The following NRXN3 variants were observed in gnomAD, a reference collection of about 807,000 sequenced individuals.
NRXN3 encodes neurexin 3.
Under a neutral mutation model 137.6 loss-of-function variants are expected in NRXN3, and 32 were observed. The observed-to-expected ratio is 0.23, with a 90% CI of 0.18 to 0.31. The LOEUF (loss-of-function observed/expected upper bound fraction) is 0.31. Ranked by LOEUF, NRXN3 falls within the 10% of genes least tolerant of loss-of-function variation. The probability of loss-of-function intolerance (pLI) is 1.00; values close to 1 mark genes in which losing one functional copy is unlikely to be tolerated. For synonymous variants in NRXN3, 798 were observed against 784.5 expected (o/e 1.02, Z -0.29); for missense variants, 1,574 against 2,062.5 (o/e 0.76, Z 4.59).
At chr14:79,104,716 G>C (rs536378919) in intron 15 of NRXN3, among the ~76,000 whole-genome samples, 3 of 152,134 alleles carry the variant, frequency 2.0e-5, no homozygotes, top group Admixed American at 1.3e-4. Flanking sequence ...GGAGTTTAGA[G>C]CATTTAATCA....
chr14:79,213,386 T>C (rs1048506736), intron 15 of NRXN3, among the ~76,000 whole-genome samples: 6 of 152,182 alleles, frequency 3.9e-5, no homozygotes, highest in Non-Finnish European at 5.9e-5. Context: ...GTTTAATTTG[T>C]CATGCTCATG....
At chr14:78,454,496 T>G (rs1234478418) in intron 4 of NRXN3, among the ~76,000 whole-genome samples, 1 of 152,164 alleles carries the variant, frequency 6.6e-6, no homozygotes, top group African/African-American at 2.4e-5. Flanking sequence ...GGTAATGATA[T>G]TTTTTAGAAA....
At chr14:78,395,622 ACT>A (rs1334823650) in intron 4 of NRXN3, among the ~76,000 whole-genome samples, 1 of 151,098 alleles carries the variant, frequency 6.6e-6, no homozygotes, top group African/African-American at 2.4e-5. Flanking sequence ...GAAGTCTAAA[ACT>A]CTAATTGGAT....
intron 20 of NRXN3, among the ~76,000 whole-genome samples, chr14:79,831,828 G>A (rs1045387109): frequency 6.6e-6 from 1 of 152,152 alleles, no homozygotes; most frequent in Non-Finnish European, 1.5e-5. Flanking sequence ...CTTGAAGTCA[G>A]CAGCAGATCT....
intron 15 of NRXN3, among the ~76,000 whole-genome samples, chr14:79,014,598 A>G (rs911109017): frequency 5.9e-5 from 9 of 152,198 alleles, no homozygotes; most frequent in Non-Finnish European, 1.2e-4. Context: ...AGAATAATTT[A>G]TATTTCTTTC....
At chr14:79,639,947 G>GCCCTTCACAGAGTGGA (rs1567748976) in intron 16 of NRXN3, among the ~76,000 whole-genome samples, 5 of 135,870 alleles carry the variant, frequency 3.7e-5, no homozygotes, top group Admixed American at 7.7e-5. Flanking sequence ...CCCAAGAAGT[G>GCCCTTCACAGAGTGGA]GTTTCAGTAT....
At chr14:78,431,927 C>G (rs2093894687) in intron 4 of NRXN3, among the ~76,000 whole-genome samples, 1 of 151,892 alleles carries the variant, frequency 6.6e-6, no homozygotes, top group Non-Finnish European at 1.5e-5. Context: ...GGTCAGTAAG[C>G]CAGTAAAAGG....
chr14:78,462,198 C>T (rs1373423740), intron 4 of NRXN3, among the ~76,000 whole-genome samples: 1 of 152,200 alleles, frequency 6.6e-6, no homozygotes, highest in African/African-American at 2.4e-5. Flanking sequence ...TTCCCAGAGG[C>T]TCCTTTGGAT....
chr14:78,712,796 C>G (rs1002064814), intron 7 of NRXN3, among the ~76,000 whole-genome samples: 4 of 152,190 alleles, frequency 2.6e-5, no homozygotes, highest in Non-Finnish European at 4.4e-5. Flanking sequence ...CTCCTGACCT[C>G]AAGTGATCTG....
At chr14:79,643,178 C>G (rs2098440159) in intron 16 of NRXN3, among the ~76,000 whole-genome samples, 1 of 136,122 alleles carries the variant, frequency 7.3e-6, no homozygotes. Flanking sequence ...TTAGTCCCAA[C>G]TCACTAAATC....
At chr14:79,063,792 T>C (rs890186249) in intron 15 of NRXN3, among the ~76,000 whole-genome samples, 1 of 152,118 alleles carries the variant, frequency 6.6e-6, no homozygotes, top group Non-Finnish European at 1.5e-5. Flanking sequence ...AGCGAAAAAC[T>C]CCTAAGGTTT....
At chr14:78,543,045 T>C (rs886680590) in intron 4 of NRXN3, among the ~76,000 whole-genome samples, 3 of 152,110 alleles carry the variant, frequency 2.0e-5, no homozygotes, top group Admixed American at 6.6e-5. Flanking sequence ...TCTGGCATAC[T>C]ATGAGATTTA....
intron 6 of NRXN3, among the ~76,000 whole-genome samples, chr14:78,683,221 GCTT>G (rs2098093038): frequency 6.6e-6 from 1 of 151,984 alleles, no homozygotes; most frequent in African/African-American, 2.4e-5. Flanking sequence ...AACATCACTG[GCTT>G]CTTTTTACTT....
chr14:79,636,848 A>G (rs2098406366), intron 16 of NRXN3, among the ~76,000 whole-genome samples: 1 of 152,224 alleles, frequency 6.6e-6, no homozygotes, highest in African/African-American at 2.4e-5. Context: ...CAATTTGGAA[A>G]GAACACTTGA....
intron 4 of NRXN3, among the ~76,000 whole-genome samples, chr14:78,539,969 A>G (rs939138512): frequency 2.0e-5 from 3 of 152,170 alleles, no homozygotes; most frequent in Admixed American, 2.0e-4. Context: ...GTGGTCTCAG[A>G]GACAGTTTGT....
chr14:78,608,080 C>T (rs1355446042), intron 4 of NRXN3, among the ~76,000 whole-genome samples: 4 of 152,056 alleles, frequency 2.6e-5, no homozygotes, highest in African/African-American at 9.7e-5. Context: ...ATTAAGAAAA[C>T]AATATTAAGG....
At chr14:79,127,091 G>C (rs1377724341) in intron 15 of NRXN3, among the ~76,000 whole-genome samples, 2 of 152,046 alleles carry the variant, frequency 1.3e-5, no homozygotes, top group Non-Finnish European at 2.9e-5. Flanking sequence ...TGTCAGATGA[G>C]TAGGTTGCGA....
chr14:79,506,186 T>G (rs1309376845), intron 16 of NRXN3, among the ~76,000 whole-genome samples: 1 of 152,020 alleles, frequency 6.6e-6, no homozygotes, highest in Non-Finnish European at 1.5e-5. Context: ...AAATTACAGG[T>G]CTCATATACA....
chr14:78,525,023 G>T (rs901275259), intron 4 of NRXN3, among the ~76,000 whole-genome samples: 1 of 152,168 alleles, frequency 6.6e-6, no homozygotes, highest in South Asian at 2.1e-4. Context: ...TATTTTATCT[G>T]ATCTACTTCT....
Sources: gnomAD v4.1 joint callset for allele counts (sites outside exome capture counted in the v4.1 genomes callset) on GRCh38, gnomAD v4.1.1 for gene constraint, MANE v1.5 for transcripts, NCBI Gene and HGNC (gene_info 2026-07-23, HGNC 2026-07-21) for gene names.